BCAR1: variants seen among roughly 807,000 people sequenced by gnomAD.
The protein encoded by BCAR1 is breast cancer anti-estrogen resistance protein 1.
In BCAR1, 30 loss-of-function variants were observed where a neutral mutation model predicts 67.6. The ratio of observed to expected loss-of-function variants is 0.44; its 90% CI spans 0.33 to 0.60. The LOEUF (loss-of-function observed/expected upper bound fraction) is 0.60. Ranked by LOEUF, BCAR1 falls within the 20% of genes least tolerant of loss-of-function variation. The probability of loss-of-function intolerance (pLI) is 0.02; values close to 1 mark genes in which losing one functional copy is unlikely to be tolerated. For synonymous variants in BCAR1, 626 were observed against 556.7 expected (o/e 1.12, Z -1.75); for missense variants, 1,313 against 1,222.3 (o/e 1.07, Z -1.11).
chr16:75,266,794 G>T, intron 1 of BCAR1: 2 of 1,435,314 alleles, frequency 1.4e-6, no homozygotes, highest in Non-Finnish European at 1.8e-6. Context: ...AGCAAGTGGG[G>T]CTGGGGTCCA....
intron 6 of BCAR1, among the ~76,000 whole-genome samples, chr16:75,232,795 G>A (rs989643150): frequency 6.6e-6 from 1 of 152,052 alleles, no homozygotes; most frequent in East Asian, 1.9e-4. Context: ...GATTCTCACC[G>A]AGCTCTCATG....
rs150789294 is a variant in BCAR1, at chr16:75,236,040, G to C, written c.913-54C>G. On this transcript the variant is annotated intron_variant, in intron 4 of 6. Coordinates refer to ENST00000162330, the MANE Select transcript of BCAR1 (RefSeq NM_014567.5). ...CCATCTGTCCATCTGCCCACCCCAGGGACTGGGGGCAGCACCCAGCCACAC... is the reference window on the plus strand; with the variant it reads ...CCATCTGTCCATCTGCCCACCCCAGCGACTGGGGGCAGCACCCAGCCACAC... The C allele has an allele frequency of 8.4e-4, 1,272 of 1,518,630 alleles. 7 individuals are homozygous for C. The African/African-American group carries it at 0.015, about 18-fold the overall frequency. 94.1% of individuals were successfully genotyped at this position (1,518,630 alleles called of 1,614,324 possible). A position where few individuals can be genotyped will look rare whatever the true frequency, so the allele number is the denominator to read the frequency against.
intron 1 of BCAR1, among the ~76,000 whole-genome samples, chr16:75,262,434 G>C (rs1024913952): frequency 1.3e-5 from 2 of 152,270 alleles, no homozygotes; most frequent in African/African-American, 4.8e-5. Context: ...TGATGGCGCA[G>C]AGCTTGAGGT....
In BCAR1 at chr16:75,242,787, T is replaced by C. The variant is rs764646881; in HGVS notation, c.316A>G (p.Thr106Ala). ...ACGCTGTCTGGCTGGGGCTGGTAGG[T>C]GTTGGGGAGCATGGGCGTGTACTGG... is the stretch of plus-strand genomic sequence containing the variant. ...ASQYTPMLPN[T>A]YQPQPDSVYL... The change falls in exon 2 of 7, where the codon ACC (threonine) becomes GCC (alanine). Residue 106 changes from threonine (T) to alanine (A), a missense_variant. Physicochemically the swap from Thr to Ala is moderately conservative, Grantham distance 58 (BLOSUM62 0). Transcript: ENST00000162330. 14 of 1,597,860 alleles carry C rather than the reference T, an allele frequency of 8.8e-6. No homozygotes were observed. The Admixed American group carries it at 2.4e-4, about 27-fold the overall frequency.
intron 1 of BCAR1, among the ~76,000 whole-genome samples, chr16:75,265,620 GAA>G (rs1467929633): frequency 6.6e-6 from 1 of 152,000 alleles, no homozygotes; most frequent in African/African-American, 2.4e-5. Context: ...CAGCTCTCCT[GAA>G]AGAGGATGGA....
chr16:75,264,130 C>A, intron 1 of BCAR1: 1 of 1,300,014 alleles, frequency 7.7e-7, no homozygotes, highest in East Asian at 2.8e-5. Flanking sequence ...CCTACCCAGC[C>A]CGCTGTTCCT....
rs758417456 is a variant in BCAR1 at position 75,235,542 on chromosome 16, G to A, written c.1357C>T (p.Pro453Ser). The change falls in exon 5 of 7, where the codon CCC becomes TCC. Residue 453 changes from proline (P) to serine (S), a missense_variant. Pro to Ser is a moderately conservative substitution (Grantham distance 74, BLOSUM62 -1). Transcript: ENST00000162330. ...TCCACAGCAACTTCCAGCTCCAGGG[G>A]TTCCCGGCCCGGCCCTGCCACCTCC... ...SLEVAGPGRE[P>S]LELEVAVEAL... 1.9e-6 allele frequency: 3 copies of A among 1,594,730 alleles called. No homozygotes were observed. Among genetic ancestry groups the A allele is most frequent in the Admixed American group, 1.8e-5 (1 of 56,764 alleles).
intron 6 of BCAR1, among the ~76,000 whole-genome samples, chr16:75,231,572 C>CT (rs764680817): frequency 2.0e-4 from 30 of 152,354 alleles, no homozygotes; most frequent in Non-Finnish European, 3.4e-4. Flanking sequence ...TTAACATGGA[C>CT]TTTATGTCCT....
At chr16:75,243,166 C>T in intron 1 of BCAR1, 76 bp from the exon 2 acceptor site, 3 of 1,440,432 alleles carry the variant, frequency 2.1e-6, no homozygotes, top group Non-Finnish European at 2.8e-6. Flanking sequence ...TCCTGCCCTG[C>T]TCTGGGGAGG....
Position 75,262,205 on chromosome 16 carries a change from T to C in BCAR1, c.66+5710A>G, listed in dbSNP as rs183397590. 3.7e-4 allele frequency among the ~76,000 whole-genome samples: 57 copies of C among 152,226 alleles called. 1 individual carries two copies. The highest frequency in any genetic ancestry group is 6.8e-3 in the Middle Eastern group (2 of 294). ...GAGGAGAGTGGCTGAGATCCCAGGC[T>C]CTGCACGGGGATACAGCCACTGGCC... is the stretch of plus-strand genomic sequence containing the variant. On this transcript the variant is annotated intron_variant, in intron 1 of 6. Coordinates refer to the BCAR1 transcript ENST00000393422.
chr16:75,230,037 G>A lies in BCAR1; in HGVS notation c.2101-14C>T. 3 of 1,523,926 alleles carry A rather than the reference G, an allele frequency of 2.0e-6. No individual in the cohort carries two copies. The highest frequency in any genetic ancestry group is 1.3e-5 in the South Asian group (1 of 76,396). 94.4% of individuals were successfully genotyped at this position (1,523,926 alleles called of 1,614,324 possible). A position where few individuals can be genotyped will look rare whatever the true frequency, so the allele number is the denominator to read the frequency against. On this transcript the variant is annotated splice_polypyrimidine_tract_variant and intron_variant, in intron 6 of 6. Transcript: ENST00000162330. ...AAACTGCTTCAGCTGGGGCAGGAGG[G>A]AAGCAGGAGCAGGGTTAGGCTCTCG...
intron 1 of BCAR1, chr16:75,266,637 C>A: frequency 1.9e-6 from 2 of 1,069,538 alleles, no homozygotes; most frequent in South Asian, 7.2e-5. Flanking sequence ...TGTTCGTCCC[C>A]ATCGCTCCAC....
chr16:75,234,456 C>A (rs969221008), intron 5 of BCAR1, among the ~76,000 whole-genome samples: 1 of 152,216 alleles, frequency 6.6e-6, no homozygotes, highest in African/African-American at 2.4e-5. Context: ...GGTCCCTGCC[C>A]CTGGATGCCT....
At chr16:75,253,479 G>A (rs2077717073), upstream of BCAR1, among the ~76,000 whole-genome samples, 1 of 152,160 alleles carries the variant, frequency 6.6e-6, no homozygotes, top group Non-Finnish European at 1.5e-5. Flanking sequence ...GGAGGGCGGT[G>A]CAGAGAGGAG....
At chr16:75,238,810 G>A (rs2077232940) in intron 2 of BCAR1, 1 of 985,586 alleles carries the variant, frequency 1.0e-6, no homozygotes, top group South Asian at 4.7e-5. Flanking sequence ...CAACAGCGGG[G>A]CAGGCGGGGC....
At chr16:75,245,272 C>G (rs868688349) in intron 1 of BCAR1, among the ~76,000 whole-genome samples, 39 of 152,398 alleles carry the variant, frequency 2.6e-4, no homozygotes, top group African/African-American at 8.9e-4. Flanking sequence ...AGCTGCCCCT[C>G]CGGGTCCCCC....
chr16:75,236,060 CCACA>C (rs3833049), intron 4 of BCAR1, 74 bp from the exon 5 acceptor site: 51 of 1,366,490 alleles, frequency 3.7e-5, no homozygotes, highest in South Asian at 7.4e-5. Flanking sequence ...CAGCACCCAG[CCACA>C]CACACACACA....
chr16:75,264,414 C>G, intron 1 of BCAR1: 1 of 1,531,088 alleles, frequency 6.5e-7, no homozygotes, highest in South Asian at 1.2e-5. Context: ...AGGAGCAGGG[C>G]TGGCCAGTCC....
intron 2 of BCAR1, among the ~76,000 whole-genome samples, chr16:75,241,207 T>C (rs1373278129): frequency 2.0e-5 from 3 of 152,216 alleles, no homozygotes; most frequent in Non-Finnish European, 4.4e-5. Context: ...TGTGTGCGTG[T>C]TCATGCATAT....
Sources: gnomAD v4.1 joint callset for allele counts (sites outside exome capture counted in the v4.1 genomes callset) on GRCh38, gnomAD v4.1.1 for gene constraint, MANE v1.5 for transcripts, NCBI Gene and HGNC (gene_info 2026-07-23, HGNC 2026-07-21) for gene names.